WDFY1: variants seen among roughly 807,000 people sequenced by gnomAD.
The protein encoded by WDFY1 is WD repeat and FYVE domain containing 1, also known as WD repeat and FYVE domain-containing protein 1.
A neutral mutation model predicts 56.4 loss-of-function variants in WDFY1; 32 were observed. The ratio of observed to expected loss-of-function variants is 0.57; its 90% CI spans 0.43 to 0.76. The LOEUF (loss-of-function observed/expected upper bound fraction) is 0.76, where lower values mean the gene tolerates loss of function less well. Among genes scored for constraint, WDFY1 ranks in the 30% least tolerant of loss-of-function variants. WDFY1 has a pLI of 0.00. For synonymous variants in WDFY1, 192 were observed against 197.3 expected (o/e 0.97, Z 0.23); for missense variants, 480 against 545.7 (o/e 0.88, Z 1.20).
intron 1 of WDFY1, among the ~76,000 whole-genome samples, chr2:223,934,968 G>T (rs1408513025): frequency 6.6e-6 from 1 of 152,140 alleles, no homozygotes; most frequent in Non-Finnish European, 1.5e-5. Flanking sequence ...GGCAAACATC[G>T]CACAAGAAGT....
chr2:223,908,625 T>C (rs547505814), intron 3 of WDFY1, among the ~76,000 whole-genome samples: 2 of 152,264 alleles, frequency 1.3e-5, no homozygotes, highest in South Asian at 4.1e-4. Context: ...CTTGGCCCTC[T>C]GCTTTTCTCA....
At chr2:223,892,865 A>G (rs988450640) in intron 8 of WDFY1, among the ~76,000 whole-genome samples, 2 of 152,266 alleles carry the variant, frequency 1.3e-5, no homozygotes, top group African/African-American at 4.8e-5. Flanking sequence ...TATTAAATAC[A>G]TTCACTTGAG....
At chr2:223,925,278 A>G (rs1693959359) in intron 1 of WDFY1, among the ~76,000 whole-genome samples, 1 of 151,614 alleles carries the variant, frequency 6.6e-6, no homozygotes, top group African/African-American at 2.4e-5. Context: ...TTGCAGGTTT[A>G]TCACAATAAA....
intron 8 of WDFY1, among the ~76,000 whole-genome samples, chr2:223,891,327 G>C (rs867092432): frequency 7.9e-4 from 96 of 121,060 alleles, no homozygotes; most frequent in African/African-American, 2.8e-3. Context: ...AGGTTGCAGT[G>C]AGCCGAGATC....
chr2:223,878,911 C>T (rs1171918007), intron 11 of WDFY1, among the ~76,000 whole-genome samples, 181 bp from the exon 12 acceptor site: 13 of 152,242 alleles, frequency 8.5e-5, no homozygotes, highest in South Asian at 4.1e-4. Flanking sequence ...TGGCTGGGCA[C>T]GGTGGCTCAC....
intron 5 of WDFY1, chr2:223,899,359 AG>A (rs1693461606): frequency 3.5e-6 from 1 of 287,498 alleles, no homozygotes; most frequent in Non-Finnish European, 6.6e-6. Flanking sequence ...GCAAGATCCC[AG>A]GAACTGGCAA....
At chr2:223,889,123 C>T (rs1468689241) in intron 8 of WDFY1, among the ~76,000 whole-genome samples, 1 of 151,906 alleles carries the variant, frequency 6.6e-6, no homozygotes, top group Non-Finnish European at 1.5e-5. Context: ...AGGCTGGTCT[C>T]GAACTCCTGA....
chr2:223,923,752 C>G (rs1207863828), intron 1 of WDFY1, among the ~76,000 whole-genome samples: 2 of 151,670 alleles, frequency 1.3e-5, no homozygotes, highest in Non-Finnish European at 2.9e-5. Context: ...CAGAGCAAGA[C>G]TCCGTCTCAA....
chr2:223,901,469 G>GT, intron 4 of WDFY1, 136 bp from the exon 5 acceptor site: 1 of 1,067,506 alleles, frequency 9.4e-7, no homozygotes, highest in Non-Finnish European at 1.3e-6. Context: ...CCTGTCCTCT[G>GT]TGAGTATATT....
In WDFY1 at chr2:223,897,377, TATATATATA is replaced by T. The variant is rs1401585781; in HGVS notation, c.598+1572_598+1580del. 6.1e-3 allele frequency among the ~76,000 whole-genome samples: 115 copies of T among 18,742 alleles called. 4 individuals are homozygous for T. Among genetic ancestry groups the T allele is most frequent in the African/African-American group, 0.013 (108 of 8,306 alleles). The allele number at this position is 18,742 out of a possible 152,430, so 12.3% of individuals were successfully genotyped here. On this transcript the variant is annotated intron_variant, in intron 6 of 11. Coordinates refer to ENST00000233055, the MANE Select transcript of WDFY1 (RefSeq NM_020830.5). ...ATATATATATATATATATATATATA[TATATATATA>T]TATATTTTTTAAGACGGAGTCTCTC...
intron 1 of WDFY1, among the ~76,000 whole-genome samples, chr2:223,940,536 G>C (rs1689283606): frequency 6.6e-6 from 1 of 152,096 alleles, no homozygotes; most frequent in South Asian, 2.1e-4. Flanking sequence ...CAACAGGTTA[G>C]CTATTGTTAT....
intron 3 of WDFY1, among the ~76,000 whole-genome samples, chr2:223,911,998 T>A (rs642241): frequency 0.86 from 131,174 of 151,736 alleles, 57,175 homozygotes; most frequent in Non-Finnish European, 0.93. Context: ...GATTTTTCGT[T>A]GAGATGAGGT....
chr2:223,890,994 A>G (rs1417578963), intron 8 of WDFY1, among the ~76,000 whole-genome samples: 1 of 152,054 alleles, frequency 6.6e-6, no homozygotes, highest in Non-Finnish European at 1.5e-5. Flanking sequence ...TAGTATTGAC[A>G]GGGGACTTGG....
intron 6 of WDFY1, among the ~76,000 whole-genome samples, chr2:223,898,090 G>A (rs546432759): frequency 6.6e-6 from 1 of 152,242 alleles, no homozygotes; most frequent in East Asian, 1.9e-4. Flanking sequence ...TATTACACAT[G>A]TGTATGTGGC....
In WDFY1 at chr2:223,884,669, G is replaced by A. The variant is rs191408406; in HGVS notation, c.912C>T (p.Thr304=). Residue 304 remains threonine (T), a synonymous_variant, in exon 9 of 12, where the codon ACC becomes ACT. Transcript: ENST00000233055. The part of the protein sequence containing the change: ...FFWNIKQMWD[T]KTLGLRQHHC... ...TCACTTGTCTTAGCCCCAGCGTCTT[G>A]GTGTCCCACATCTGCTTTATGTTCC... 35 of 1,613,994 alleles carry A rather than the reference G, an allele frequency of 2.2e-5. No individual in the cohort carries two copies. In the African/African-American group the frequency reaches 3.3e-4, roughly 15 times the overall value.
chr2:223,897,486 C>G (rs563808090), intron 6 of WDFY1, among the ~76,000 whole-genome samples: 67 of 150,900 alleles, frequency 4.4e-4, no homozygotes, highest in Non-Finnish European at 7.2e-4. Flanking sequence ...TCAAGAGATT[C>G]TCCTGCCTCA....
At chr2:223,884,272 CTGTT>C (rs1053761552) in intron 9 of WDFY1, among the ~76,000 whole-genome samples, 14 of 152,138 alleles carry the variant, frequency 9.2e-5, no homozygotes, top group African/African-American at 3.1e-4. Flanking sequence ...TACTTTTTAT[CTGTT>C]TGTGACAGCA....
intron 8 of WDFY1, among the ~76,000 whole-genome samples, chr2:223,885,853 A>C (rs899596295): frequency 6.6e-6 from 1 of 152,064 alleles, no homozygotes; most frequent in Non-Finnish European, 1.5e-5. Flanking sequence ...TCCTGGGGCC[A>C]CACAGGCATC....
At chr2:223,912,714 T>C (rs1693725858) in intron 2 of WDFY1, among the ~76,000 whole-genome samples, 1 of 152,168 alleles carries the variant, frequency 6.6e-6, no homozygotes, top group East Asian at 1.9e-4. Context: ...AGAGTAGCTG[T>C]GCAAAGATGG....
Sources: gnomAD v4.1 joint callset for allele counts (sites outside exome capture counted in the v4.1 genomes callset) on GRCh38, gnomAD v4.1.1 for gene constraint, MANE v1.5 for transcripts, NCBI Gene and HGNC (gene_info 2026-07-23, HGNC 2026-07-21) for gene names.